The following POMK variants were observed in gnomAD, a reference collection of about 807,000 sequenced individuals.
The protein encoded by POMK is protein O-mannose kinase.
Under a neutral mutation model 23.0 loss-of-function variants are expected in POMK, and 19 were observed. The observed-to-expected ratio is 0.83, with a 90% CI of 0.58 to 1.21. The LOEUF is 1.21. Among genes scored for constraint, POMK ranks in the 50% most tolerant of loss-of-function variants. POMK has a pLI of 0.00. For missense variants in POMK, 410 were observed against 431.3 expected (o/e 0.95, Z 0.44); for synonymous variants, 173 against 171.6 (o/e 1.01, Z -0.06).
intron 4 of POMK, among the ~76,000 whole-genome samples, chr8:43,119,102 C>T (rs1312687456): frequency 2.0e-5 from 3 of 152,148 alleles, no homozygotes; most frequent in African/African-American, 2.4e-5. Context: ...TGAGCCACTG[C>T]GGCCGGCCCC....
intron 1 of POMK, among the ~76,000 whole-genome samples, chr8:43,096,207 G>A (rs576886968): frequency 3.2e-3 from 486 of 152,310 alleles, no homozygotes; most frequent in Non-Finnish European, 6.2e-3. Context: ...AGCCTTTGAG[G>A]AAAGCTCAGG....
intron 1 of POMK, among the ~76,000 whole-genome samples, chr8:43,095,456 A>G (rs1230664048): frequency 6.6e-6 from 1 of 152,196 alleles, no homozygotes; most frequent in African/African-American, 2.4e-5. Flanking sequence ...GGGGCATATG[A>G]AATTTGGATT....
chr8:43,114,791 AT>A (rs1251183382), intron 4 of POMK, among the ~76,000 whole-genome samples: 3 of 152,140 alleles, frequency 2.0e-5, no homozygotes, highest in African/African-American at 7.2e-5. Context: ...CCAAGATTAC[AT>A]TAAAAGAACC....
chr8:43,096,456 A>AT (rs904172487), intron 1 of POMK, among the ~76,000 whole-genome samples: 13 of 151,944 alleles, frequency 8.6e-5, no homozygotes, highest in African/African-American at 2.9e-4. Flanking sequence ...AGGTCAGGAG[A>AT]TTGAGACCAT....
rs553752403 is a variant in POMK, at chr8:43,108,544, C to T, written c.282+4714C>T. Among the ~76,000 whole-genome samples the T allele has an allele frequency of 1.4e-4, 21 of 152,274 alleles. No homozygotes were observed. The East Asian group carries it at 4.0e-3, about 29-fold the overall frequency. ...GCTGTAAATAGCTTAAAAGAAATTTCCCTGACTCTGAAAAAGCAAAGAATC... is the reference window on the plus strand; with the variant it reads ...GCTGTAAATAGCTTAAAAGAAATTTTCCTGACTCTGAAAAAGCAAAGAATC... On this transcript the variant is annotated intron_variant, in intron 4 of 4. Transcript: ENST00000331373.
At chr8:43,117,312 GTTA>G (rs1178219188) in intron 4 of POMK, among the ~76,000 whole-genome samples, 1 of 152,154 alleles carries the variant, frequency 6.6e-6, no homozygotes, top group African/African-American at 2.4e-5. Flanking sequence ...CGAGAGAAAT[GTTA>G]TTAAGAAAAA....
intron 2 of POMK, among the ~76,000 whole-genome samples, chr8:43,097,884 T>A (rs1563335299): frequency 6.6e-6 from 1 of 152,080 alleles, no homozygotes; most frequent in Non-Finnish European, 1.5e-5. Context: ...TCCCATACCT[T>A]GATAGGCCAG....
rs72647287 is a variant in POMK at position 43,108,952 on chromosome 8, T to C, written c.282+5122T>C. Among the ~76,000 whole-genome samples, 864 of 152,368 alleles carry C rather than the reference T, an allele frequency of 5.7e-3. 6 individuals are homozygous for C. The highest frequency in any genetic ancestry group is 7.1e-3 in the Non-Finnish European group (484 of 68,036). ...TCATATCAGAATTGTAGGAATTTTA[T>C]ACAGTTTTGCAGCACGTAACTTTAT... On this transcript the variant is annotated intron_variant, in intron 4 of 4. Coordinates refer to ENST00000331373, the MANE Select transcript of POMK (RefSeq NM_032237.5).
chr8:43,110,699 C>T (rs182860345), intron 4 of POMK, among the ~76,000 whole-genome samples: 1 of 152,288 alleles, frequency 6.6e-6, no homozygotes, highest in East Asian at 1.9e-4. Flanking sequence ...AGAAGGATCA[C>T]CTGAGGTCAG....
chr8:43,112,473 A>G (rs1811694689), intron 4 of POMK, among the ~76,000 whole-genome samples: 2 of 152,226 alleles, frequency 1.3e-5, no homozygotes, highest in Admixed American at 1.3e-4. Flanking sequence ...GAATGGAACC[A>G]AGTTGGAAAA....
At chr8:43,121,765 C>T (rs1048640572) in intron 4 of POMK, among the ~76,000 whole-genome samples, 1 of 152,206 alleles carries the variant, frequency 6.6e-6, no homozygotes, top group Non-Finnish European at 1.5e-5. Context: ...AGCTAGCACT[C>T]CCCTGCCCTA....
At chr8:43,105,787 C>T (rs1295344211) in intron 4 of POMK, among the ~76,000 whole-genome samples, 4 of 152,204 alleles carry the variant, frequency 2.6e-5, no homozygotes, top group Non-Finnish European at 5.9e-5. Context: ...CCTCAGCCTC[C>T]TGAGTAGCTG....
chr8:43,112,197 AT>A, intron 4 of POMK, among the ~76,000 whole-genome samples: 1 of 152,224 alleles, frequency 6.6e-6, no homozygotes, highest in Admixed American at 6.5e-5. Flanking sequence ...GCTAACTAGA[AT>A]AACCAATGCA....
At chr8:43,115,602 C>A (rs1439115932) in intron 4 of POMK, among the ~76,000 whole-genome samples, 1 of 152,172 alleles carries the variant, frequency 6.6e-6, no homozygotes, top group Non-Finnish European at 1.5e-5. Context: ...AGCCCAGCCC[C>A]CCAAACCACC....
At chr8:43,096,778 A>T (rs1811344034) in intron 1 of POMK, among the ~76,000 whole-genome samples, 1 of 152,246 alleles carries the variant, frequency 6.6e-6, no homozygotes, top group South Asian at 2.1e-4. Flanking sequence ...AATTGTGGAA[A>T]AGTCAAACCA....
At chr8:43,121,344 T>A (rs1811912828) in intron 4 of POMK, among the ~76,000 whole-genome samples, 1 of 152,164 alleles carries the variant, frequency 6.6e-6, no homozygotes, top group African/African-American at 2.4e-5. Flanking sequence ...TTACAGTGCT[T>A]CCTGCAAGCA....
intron 4 of POMK, among the ~76,000 whole-genome samples, chr8:43,113,181 T>A (rs1179462981): frequency 1.3e-5 from 2 of 152,206 alleles, no homozygotes; most frequent in African/African-American, 4.8e-5. Context: ...GTGGAAGTTC[T>A]CCTGGATAAT....
intron 2 of POMK, among the ~76,000 whole-genome samples, chr8:43,102,155 T>C (rs1002520849): frequency 6.6e-6 from 1 of 152,226 alleles, no homozygotes; most frequent in African/African-American, 2.4e-5. Flanking sequence ...CCCACTAGAC[T>C]TTTCCCCTAA....
At chr8:43,118,958 C>A (rs960108233) in intron 4 of POMK, among the ~76,000 whole-genome samples, 1 of 152,120 alleles carries the variant, frequency 6.6e-6, no homozygotes, top group Non-Finnish European at 1.5e-5. Flanking sequence ...ACTACAGGCA[C>A]CTGCCACCAT....
Sources: gnomAD v4.1 joint callset for allele counts (sites outside exome capture counted in the v4.1 genomes callset) on GRCh38, gnomAD v4.1.1 for gene constraint, MANE v1.5 for transcripts, NCBI Gene and HGNC (gene_info 2026-07-23, HGNC 2026-07-21) for gene names.